The following DCLK2 variants were observed in gnomAD, a reference collection of about 807,000 sequenced individuals.
DCLK2 encodes the protein doublecortin like kinase 2.
A neutral mutation model predicts 78.4 loss-of-function variants in DCLK2; 31 were observed. The ratio of observed to expected loss-of-function variants is 0.40; its 90% CI spans 0.30 to 0.53. DCLK2 has a LOEUF of 0.53. Ranked by LOEUF, DCLK2 falls within the 20% of genes least tolerant of loss-of-function variation. The pLI, the probability that DCLK2 is intolerant of heterozygous loss-of-function variation, is 0.61. For synonymous variants in DCLK2, 407 were observed against 374.9 expected (o/e 1.09, Z -0.99); for missense variants, 872 against 973.7 (o/e 0.90, Z 1.39).
chr4:150,132,591 A>AC (rs1357879663), intron 2 of DCLK2, among the ~76,000 whole-genome samples: 2 of 141,754 alleles, frequency 1.4e-5, no homozygotes, highest in African/African-American at 2.8e-5. Flanking sequence ...TTTGTTCACA[A>AC]CTTTTTTTTT....
chr4:150,161,773 G>T (rs1735720545), intron 2 of DCLK2, among the ~76,000 whole-genome samples: 1 of 152,168 alleles, frequency 6.6e-6, no homozygotes, highest in Admixed American at 6.5e-5. Flanking sequence ...TGCAATTTGT[G>T]AAACTATTAT....
intron 2 of DCLK2, among the ~76,000 whole-genome samples, chr4:150,178,905 T>C (rs897501662): frequency 1.3e-5 from 2 of 152,340 alleles, no homozygotes; most frequent in East Asian, 3.9e-4. Flanking sequence ...GAAGTTGGTG[T>C]AGGGGCTGCT....
At chr4:150,084,861 C>G (rs1039447665) in intron 1 of DCLK2, among the ~76,000 whole-genome samples, 1 of 152,100 alleles carries the variant, frequency 6.6e-6, no homozygotes, top group Admixed American at 6.5e-5. Context: ...CCCTTCCTGC[C>G]CATGCTACCA....
At chr4:150,176,204 C>T (rs1239671506) in intron 2 of DCLK2, among the ~76,000 whole-genome samples, 1 of 152,192 alleles carries the variant, frequency 6.6e-6, no homozygotes, top group Non-Finnish European at 1.5e-5. Flanking sequence ...TAAAAGCTGT[C>T]CTTCCGCCAT....
intron 2 of DCLK2, among the ~76,000 whole-genome samples, chr4:150,187,868 C>T (rs944783273): frequency 3.4e-5 from 5 of 147,854 alleles, no homozygotes; most frequent in East Asian, 4.0e-4. Context: ...GGTGCGATCT[C>T]GGCTCACTGC....
At chr4:150,207,452 C>G (rs1410922984) in intron 5 of DCLK2, among the ~76,000 whole-genome samples, 3 of 152,136 alleles carry the variant, frequency 2.0e-5, no homozygotes, top group Non-Finnish European at 4.4e-5. Context: ...TGTTTAATCT[C>G]TGATCATGGA....
intron 8 of DCLK2, 30 bp downstream of exon 8, chr4:150,224,588 A>G (rs376146536): frequency 4.5e-5 from 70 of 1,571,230 alleles, no homozygotes; most frequent in Non-Finnish European, 5.8e-5. Flanking sequence ...TAGTTCTGAA[A>G]GAAACTAGAG....
At chr4:150,106,216 A>G (rs1398327739) in intron 2 of DCLK2, among the ~76,000 whole-genome samples, 2 of 152,184 alleles carry the variant, frequency 1.3e-5, no homozygotes, top group East Asian at 1.9e-4. Context: ...ATGTTGTACT[A>G]TATAGGTGAA....
At chr4:150,254,480 C>T (rs191564983) in intron 15 of DCLK2, 13 of 398,786 alleles carry the variant, frequency 3.3e-5, no homozygotes, top group East Asian at 7.1e-5. Flanking sequence ...CTGCCACACA[C>T]GCCCCTGTGC....
rs993167430 is a variant in DCLK2, at chr4:150,191,645, G to A, written c.757-1493G>A. Among the ~76,000 whole-genome samples, 11 of 152,284 alleles carry A rather than the reference G, an allele frequency of 7.2e-5. No homozygotes were observed. In the South Asian group the frequency reaches 2.3e-3, roughly 32 times the overall value. On this transcript the variant is annotated intron_variant, in intron 2 of 15. Coordinates refer to ENST00000296550, the MANE Select transcript of DCLK2 (RefSeq NM_001040260.4). ...AAAGGCCCTGGACACTGTAGCTAGAGCCGTTTCAGTGAGATACAGAAGCCA... is the reference window on the plus strand; with the variant it reads ...AAAGGCCCTGGACACTGTAGCTAGAACCGTTTCAGTGAGATACAGAAGCCA...
intron 1 of DCLK2, among the ~76,000 whole-genome samples, chr4:150,086,875 A>G (rs545276711): frequency 2.0e-5 from 3 of 152,178 alleles, no homozygotes; most frequent in African/African-American, 7.2e-5. Context: ...AAGCCCGCTA[A>G]TATTTTCAGT....
At position 150,198,999 on chromosome 4, in the gene DCLK2, T is replaced by G. The variant is rs1463770197; in HGVS notation, c.961+896T>G. Reference sequence around the variant, plus strand: ...TGAATAACCACTCTCCTTACTGTCTTCTACTCTGTGTATACTGCATGTGTA... The same window carrying G: ...TGAATAACCACTCTCCTTACTGTCTGCTACTCTGTGTATACTGCATGTGTA... On this transcript the variant is annotated intron_variant, in intron 4 of 15. Transcript: ENST00000296550. 3 of 1,560,710 alleles carry G rather than the reference T, an allele frequency of 1.9e-6. No homozygotes were observed. In the African/African-American group the frequency reaches 4.1e-5, roughly 21 times the overall value.
At chr4:150,119,054 ATAAT>A (rs1409220149) in intron 2 of DCLK2, among the ~76,000 whole-genome samples, 40 of 151,182 alleles carry the variant, frequency 2.6e-4, no homozygotes, top group Middle Eastern at 6.8e-3. Flanking sequence ...TATAATAATA[ATAAT>A]AATAATAACA....
chr4:150,157,489 T>TTTTTTTTG (rs1553962122), intron 2 of DCLK2, among the ~76,000 whole-genome samples: 8 of 98,820 alleles, frequency 8.1e-5, no homozygotes, highest in African/African-American at 2.3e-4. Flanking sequence ...GAGATGGTTT[T>TTTTTTTTG]TTTGTTTGTT....
At chr4:150,165,886 T>C (rs765477151) in intron 2 of DCLK2, among the ~76,000 whole-genome samples, 19 of 152,174 alleles carry the variant, frequency 1.2e-4, no homozygotes, top group Non-Finnish European at 1.9e-4. Flanking sequence ...GTCATTGTTA[T>C]GGGAGTAGGT....
At chr4:150,185,219 A>C (rs1279583577) in intron 2 of DCLK2, among the ~76,000 whole-genome samples, 1 of 152,196 alleles carries the variant, frequency 6.6e-6, no homozygotes, top group Non-Finnish European at 1.5e-5. Flanking sequence ...GAATGAGCCA[A>C]GGTGGGGAAA....
intron 5 of DCLK2, among the ~76,000 whole-genome samples, chr4:150,217,861 ATTGT>A (rs775695144): frequency 1.3e-5 from 2 of 152,184 alleles, no homozygotes; most frequent in Admixed American, 6.5e-5. Flanking sequence ...ACGCTACATA[ATTGT>A]TTGTTTTAAT....
Position 150,221,756 on chromosome 4 carries a change from T to C in DCLK2, c.1212T>C (p.Asn404=). The change falls in exon 7 of 16, where the codon AAT becomes AAC. Residue 404 remains asparagine, a synonymous_variant. Coordinates refer to ENST00000296550, the MANE Select transcript of DCLK2 (RefSeq NM_001040260.4). The stretch of plus-strand genomic sequence containing the variant: ...TTGGAAAGGTCATTGGTGATGGCAA[T>C]TTTGCAGTAGTCAAAGAGTGTATAG... ...YKIGKVIGDG[N]FAVVKECIDR... is the part of the protein sequence containing the mutation. The C allele has an allele frequency of 6.2e-7, 1 of 1,606,634 alleles. No individual in the cohort carries two copies. The highest frequency in any genetic ancestry group is 8.5e-7 in the Non-Finnish European group (1 of 1,177,026).
intron 1 of DCLK2, among the ~76,000 whole-genome samples, 184 bp downstream of exon 1, chr4:150,079,632 T>C (rs904369170): frequency 1.3e-5 from 2 of 152,242 alleles, no homozygotes; most frequent in African/African-American, 4.8e-5. Context: ...ACACACTGAC[T>C]TTCCTTCCCA....
Sources: allele counts gnomAD v4.1 joint callset (sites outside exome capture counted in the v4.1 genomes callset), GRCh38; gene constraint gnomAD v4.1.1; transcripts MANE v1.5; gene names NCBI Gene and HGNC (gene_info 2026-07-23, HGNC 2026-07-21).